Variants in ZNF320 observed in about 807,000 individuals in gnomAD.
ZNF320 encodes the protein zinc finger protein 320, also known as zinc finger gene 320.
ZNF320 carries 2 observed loss-of-function variants against 6.8 expected under a neutral mutation model. The observed-to-expected ratio is 0.29, with a 90% CI of 0.12 to 0.93. ZNF320 has a LOEUF of 0.93. Ranked by LOEUF, ZNF320 falls within the 40% of genes least tolerant of loss-of-function variation. ZNF320 has a pLI of 0.55. For missense variants in ZNF320, 472 were observed against 611.0 expected, an observed-to-expected ratio of 0.77 and a Z score of 2.40; for synonymous variants, 208 against 203.2, an observed-to-expected ratio of 1.02 and a Z score of -0.20.
intron 1 of ZNF320, among the ~76,000 whole-genome samples, chr19:52,896,333 T>C (rs1422703363): frequency 1.3e-5 from 2 of 152,246 alleles, no homozygotes; most frequent in African/African-American, 2.4e-5. Flanking sequence ...TCAGGTGATC[T>C]GCCCGCCTTG....
exon 6 of ZNF320, chr19:52,862,657 C>T: frequency 1.7e-6 from 1 of 587,428 alleles, no homozygotes; most frequent in Admixed American, 2.4e-5. Context: ...CTTTGCCACA[C>T]TCATTACACT....
chr19:52,890,106 C>T, intron 4 of ZNF320, 135 bp downstream of exon 4: 1 of 1,389,572 alleles, frequency 7.2e-7, no homozygotes, highest in Non-Finnish European at 1.0e-6. Flanking sequence ...ATAAGAGGGA[C>T]TGAGGGAAGG....
the ZNF320 span, among the ~76,000 whole-genome samples, chr19:52,903,881 A>G: frequency 6.6e-6 from 1 of 152,366 alleles, no homozygotes; most frequent in Middle Eastern, 3.4e-3. Flanking sequence ...AAAGTATCTA[A>G]CAATTCAAAT....
chr19:52,888,625 C>A (rs79631839), intron 4 of ZNF320, among the ~76,000 whole-genome samples: 5 of 105,652 alleles, frequency 4.7e-5, no homozygotes, highest in African/African-American at 1.1e-4. Context: ...GCAAGACTCT[C>A]TCTCAAAATA....
intron 1 of ZNF320, among the ~76,000 whole-genome samples, chr19:52,895,966 T>G (rs2064457770): frequency 6.6e-6 from 1 of 152,146 alleles, no homozygotes; most frequent in African/African-American, 2.4e-5. Context: ...TGGTTAAAAA[T>G]ATATACATCT....
At chr19:52,887,514 T>C (rs1343221922) in intron 5 of ZNF320, among the ~76,000 whole-genome samples, 1 of 152,226 alleles carries the variant, frequency 6.6e-6, no homozygotes, top group African/African-American at 2.4e-5. Flanking sequence ...CATCGGGCTA[T>C]CTTCCAAGAA....
At chr19:52,898,350 G>A (rs1470902598), upstream of ZNF320, among the ~76,000 whole-genome samples, 1 of 152,258 alleles carries the variant, frequency 6.6e-6, no homozygotes, top group East Asian at 1.9e-4. Flanking sequence ...GGATGTGGGC[G>A]AGGTGGCGAG....
chr19:52,865,555 TTATATGATC>T (rs1568692969), intron 5 of ZNF320: 31 of 114,432 alleles, frequency 2.7e-4, no homozygotes, highest in African/African-American at 1.2e-3. Flanking sequence ...ACATATATAT[TTATATGATC>T]ATACATATAT....
At chr19:52,899,686 C>T (rs1170461634), upstream of ZNF320, among the ~76,000 whole-genome samples, 1 of 152,142 alleles carries the variant, frequency 6.6e-6, no homozygotes, top group Non-Finnish European at 1.5e-5. Context: ...TGGTCTTGAT[C>T]TCCTGACTTT....
At chr19:52,899,555 C>T (rs1049010472), upstream of ZNF320, among the ~76,000 whole-genome samples, 17 of 152,130 alleles carry the variant, frequency 1.1e-4, no homozygotes, top group South Asian at 2.1e-4. Flanking sequence ...CTCCACCTCC[C>T]GGGTTCACGC....
chr19:52,888,107 T>G lies in ZNF320; in HGVS notation c.142+20A>C. On this transcript the variant is annotated intron_variant, in intron 5 of 5. Coordinates refer to ENST00000682928, the MANE Select transcript of ZNF320 (RefSeq NM_001351774.2). ...ATCCACAAGGGCACATCCCCACTTC[T>G]GGAGGGAAGTTATCCTCACCCAGGG... 6.2e-7 allele frequency: 1 copy of G among 1,600,248 alleles called. No homozygotes were observed. Among genetic ancestry groups the G allele is most frequent in the African/African-American group, 1.4e-5 (1 of 73,992 alleles).
chr19:52,874,710 T>C (rs1373902742), downstream of ZNF320, among the ~76,000 whole-genome samples: 5 of 151,976 alleles, frequency 3.3e-5, no homozygotes, highest in Non-Finnish European at 5.9e-5. Flanking sequence ...GCAACATGGA[T>C]CAGAGGTGGG....
rs529040907 is a variant in ZNF320, at chr19:52,889,887, G to A, written c.15+354C>T. Among the ~76,000 whole-genome samples the A allele has an allele frequency of 2.6e-5, 4 of 152,058 alleles. No homozygotes were observed. In the South Asian group the frequency reaches 8.3e-4, roughly 32 times the overall value. ...GCACATTAATATGTGACTTCCATTG[G>A]CAGCTGCTCTAATCCTGGTCCACGG... On this transcript the variant is annotated intron_variant, in intron 4 of 5. Transcript: ENST00000682928.
At chr19:52,862,724 C>A in exon 6 of ZNF320, 2 of 444,038 alleles carry the variant, frequency 4.5e-6, no homozygotes, top group Non-Finnish European at 8.5e-6. Flanking sequence ...TGAATTGAGC[C>A]CAAAAACCTT....
intron 5 of ZNF320, among the ~76,000 whole-genome samples, chr19:52,885,033 T>TA (rs35440334): frequency 0.16 from 23,572 of 150,116 alleles, 1,925 homozygotes; most frequent in East Asian, 0.27. Flanking sequence ...CCATCTCTGC[T>TA]AAAAAAAAAT....
At chr19:52,869,376 C>A (rs1018714441) in intron 5 of ZNF320, among the ~76,000 whole-genome samples, 5 of 151,978 alleles carry the variant, frequency 3.3e-5, no homozygotes, top group African/African-American at 9.7e-5. Context: ...ATTTCATACA[C>A]ACAGAAAAAA....
chr19:52,867,936 G>A (rs2063606896), intron 5 of ZNF320, among the ~76,000 whole-genome samples: 1 of 152,048 alleles, frequency 6.6e-6, no homozygotes. Context: ...GTAGATTCAA[G>A]GATTCAGCAT....
intron 2 of ZNF320, among the ~76,000 whole-genome samples, chr19:52,891,895 G>A (rs1209813639): frequency 6.6e-6 from 1 of 152,126 alleles, no homozygotes; most frequent in African/African-American, 2.4e-5. Context: ...TAATGGAAAG[G>A]GTTGGTCTTA....
chr19:52,886,653 T>C (rs150412700), intron 5 of ZNF320, among the ~76,000 whole-genome samples: 89 of 152,200 alleles, frequency 5.8e-4, no homozygotes, highest in African/African-American at 2.1e-3. Context: ...AGAATAACCA[T>C]GGTTGGGCAT....
Sources: allele counts gnomAD v4.1 joint callset (sites outside exome capture counted in the v4.1 genomes callset), GRCh38; gene constraint gnomAD v4.1.1; transcripts MANE v1.5; gene names NCBI Gene and HGNC (gene_info 2026-07-23, HGNC 2026-07-21).